SORCS3: variants seen among roughly 807,000 people sequenced by gnomAD.
The protein encoded by SORCS3 is sortilin related VPS10 domain containing receptor 3.
A neutral mutation model predicts 146.3 loss-of-function variants in SORCS3; 57 were observed. The ratio of observed to expected loss-of-function variants is 0.39; its 90% CI spans 0.31 to 0.49. The LOEUF (loss-of-function observed/expected upper bound fraction) is 0.49, where lower values mean the gene tolerates loss of function less well. Among genes scored for constraint, SORCS3 ranks in the 20% least tolerant of loss-of-function variants. SORCS3 has a pLI of 0.92. For missense variants in SORCS3, 1,341 were observed against 1,575.5 expected (o/e 0.85, Z 2.52); for synonymous variants, 653 against 618.5 (o/e 1.06, Z -0.83).
intron 1 of SORCS3, among the ~76,000 whole-genome samples, chr10:104,679,167 G>T (rs2133263410): frequency 6.6e-6 from 1 of 152,288 alleles, no homozygotes; most frequent in Middle Eastern, 3.4e-3. Context: ...GGATCTGTTT[G>T]GGTACCTGCT....
intron 1 of SORCS3, among the ~76,000 whole-genome samples, chr10:104,714,364 T>A (rs1465549029): frequency 6.6e-6 from 1 of 152,176 alleles, no homozygotes; most frequent in Non-Finnish European, 1.5e-5. Flanking sequence ...ATTTTATAGC[T>A]TTCTTATTTT....
At position 104,732,134 on chromosome 10, in the gene SORCS3, T is replaced by C. The variant is rs137878906; in HGVS notation, c.627+90180T>C. ...ATCTGGAGGACAGAACATCATCTTA[T>C]ATTACTGCTGCTGGTTTGGTGTTTA... is the stretch of plus-strand genomic sequence containing the variant. On this transcript the variant is annotated intron_variant, in intron 1 of 26. Coordinates refer to ENST00000369701, the MANE Select transcript of SORCS3 (RefSeq NM_014978.3). Among the ~76,000 whole-genome samples the C allele has an allele frequency of 7.9e-5, 12 of 152,334 alleles. No individual in the cohort carries two copies. In the East Asian group the frequency reaches 2.1e-3, roughly 27 times the overall value.
chr10:105,205,936 C>T (rs967039624), intron 16 of SORCS3, among the ~76,000 whole-genome samples: 2 of 152,168 alleles, frequency 1.3e-5, no homozygotes, highest in Non-Finnish European at 2.9e-5. Context: ...GTATGTATTA[C>T]TGGCTACCTC....
chr10:104,850,859 A>C (rs1462071607), intron 2 of SORCS3, among the ~76,000 whole-genome samples: 1 of 152,258 alleles, frequency 6.6e-6, no homozygotes, highest in East Asian at 1.9e-4. Flanking sequence ...TTCCTGAGCT[A>C]ACAGCACTGC....
At chr10:104,832,751 G>A (rs148990495) in intron 1 of SORCS3, among the ~76,000 whole-genome samples, 3 of 98,344 alleles carry the variant, frequency 3.1e-5, no homozygotes, top group Non-Finnish European at 6.8e-5. Context: ...ATAAATAAAT[G>A]AACGAACGAA....
At chr10:105,085,994 T>A (rs2055658018) in intron 5 of SORCS3, among the ~76,000 whole-genome samples, 1 of 150,940 alleles carries the variant, frequency 6.6e-6, no homozygotes, top group African/African-American at 2.4e-5. Flanking sequence ...ACACTGTCAA[T>A]TTTTTTTTTC....
chr10:105,034,233 A>G (rs138626184), intron 4 of SORCS3, among the ~76,000 whole-genome samples: 127 of 152,246 alleles, frequency 8.3e-4, no homozygotes, highest in African/African-American at 2.9e-3. Context: ...GTTATTTCCG[A>G]TGACACCTGA....
At chr10:105,083,874 CATG>C (rs1210015926) in intron 5 of SORCS3, among the ~76,000 whole-genome samples, 1 of 152,162 alleles carries the variant, frequency 6.6e-6, no homozygotes, top group African/African-American at 2.4e-5. Context: ...GGCAATGAGG[CATG>C]ATGTTTATGA....
chr10:104,766,983 A>G (rs900771211), intron 1 of SORCS3, among the ~76,000 whole-genome samples: 1 of 152,204 alleles, frequency 6.6e-6, no homozygotes, highest in African/African-American at 2.4e-5. Flanking sequence ...GACAAGGTTC[A>G]TTTATCCCTG....
chr10:104,853,163 G>T (rs563202980), intron 2 of SORCS3, among the ~76,000 whole-genome samples: 87 of 152,334 alleles, frequency 5.7e-4, no homozygotes, highest in Admixed American at 1.8e-3. Flanking sequence ...GGCAGCCATG[G>T]TGGCGGGCAC....
intron 14 of SORCS3, among the ~76,000 whole-genome samples, chr10:105,197,441 TGTAGATTCAAACACTCA>T (rs2119607068): frequency 6.6e-6 from 1 of 152,316 alleles, no homozygotes; most frequent in African/African-American, 2.4e-5. Context: ...AAACATGTGC[TGTAGATTCAAACACTCA>T]GTCTATATCC....
rs763376531 is a variant in SORCS3 at position 105,223,237 on chromosome 10, C to T, written c.2856C>T (p.Gly952=). ...LGTLTYFWWF[G]NSTKPLITLD... is the part of the protein sequence containing the mutation. The stretch of plus-strand genomic sequence containing the variant: ...CCCTTACCTATTTCTGGTGGTTCGG[C>T]AATAGCACAAAGGTTTGGCCCTTTC... The change falls in exon 20 of 27, where the codon GGC becomes GGT. Residue 952 remains glycine, a synonymous_variant. Transcript: ENST00000369701. 2.5e-6 allele frequency: 4 copies of T among 1,611,270 alleles called. No homozygotes were observed. The highest frequency in any genetic ancestry group is 1.6e-4 in the Middle Eastern group (1 of 6,068).
intron 2 of SORCS3, among the ~76,000 whole-genome samples, chr10:104,911,236 A>G (rs748827556): frequency 6.6e-6 from 1 of 152,244 alleles, no homozygotes; most frequent in Non-Finnish European, 1.5e-5. Context: ...GAAAGGACAG[A>G]GTCGAGGGCA....
intron 4 of SORCS3, among the ~76,000 whole-genome samples, chr10:104,988,806 C>A (rs1267514808): frequency 6.6e-6 from 1 of 152,172 alleles, no homozygotes; most frequent in Non-Finnish European, 1.5e-5. Context: ...TGTCAAGATT[C>A]TTTCCCCAAA....
chr10:105,051,703 C>G (rs9943405), intron 5 of SORCS3, among the ~76,000 whole-genome samples: 26,539 of 152,084 alleles, frequency 0.17, 2,515 homozygotes, highest in Middle Eastern at 0.22. Context: ...CAAACACAGT[C>G]ATTTGCAATC....
rs548938353 is a variant in SORCS3 at position 105,195,731 on chromosome 10, AT to A, written c.2010-4267del. Among the ~76,000 whole-genome samples the A allele has an allele frequency of 5.9e-5, 9 of 152,294 alleles. No individual in the cohort carries two copies. The South Asian group carries it at 1.9e-3, about 32-fold the overall frequency. On this transcript the variant is annotated intron_variant, in intron 14 of 26. Transcript: ENST00000369701. ...AACTTTGCTCTTCCCTAAGCTGACA[AT>A]GGGTGGATCGATGTGGAATACATTA...
intron 1 of SORCS3, among the ~76,000 whole-genome samples, chr10:104,650,375 T>G (rs1347143116): frequency 6.6e-6 from 1 of 152,194 alleles, no homozygotes; most frequent in African/African-American, 2.4e-5. Flanking sequence ...AAAAGTAGAC[T>G]GTAAGTGAAT....
intron 14 of SORCS3, 152 bp downstream of exon 14, chr10:105,178,325 T>C (rs1033406947): frequency 1.7e-6 from 1 of 579,924 alleles, no homozygotes; most frequent in African/African-American, 1.9e-5. Flanking sequence ...ATACTTATTT[T>C]TATACCTACA....
chr10:104,890,762 GGA>G (rs2018741572), intron 2 of SORCS3, among the ~76,000 whole-genome samples: 2 of 152,158 alleles, frequency 1.3e-5, no homozygotes, highest in African/African-American at 4.8e-5. Flanking sequence ...GTGCATCATA[GGA>G]TATTTAGCAG....
Sources: allele counts gnomAD v4.1 joint callset (sites outside exome capture counted in the v4.1 genomes callset), GRCh38; gene constraint gnomAD v4.1.1; transcripts MANE v1.5; gene names NCBI Gene and HGNC (gene_info 2026-07-23, HGNC 2026-07-21).